KLHL1: variants seen among roughly 807,000 people sequenced by gnomAD.
KLHL1 encodes the protein kelch like family member 1.
KLHL1 carries 47 observed loss-of-function variants against 77.7 expected under a neutral mutation model. The ratio of observed to expected loss-of-function variants is 0.60; its 90% CI spans 0.48 to 0.77. KLHL1 has a LOEUF of 0.77. Ranked by LOEUF, KLHL1 falls within the 30% of genes least tolerant of loss-of-function variation. The pLI is 0.00. For missense variants in KLHL1, 925 were observed against 910.8 expected (o/e 1.02, Z -0.20); for synonymous variants, 360 against 325.2 (o/e 1.11, Z -1.15).
intron 4 of KLHL1, among the ~76,000 whole-genome samples, chr13:69,919,194 TTTCTC>T (rs1286927481): frequency 2.6e-5 from 4 of 152,170 alleles, no homozygotes; most frequent in African/African-American, 7.2e-5. Context: ...GAAACGGTAT[TTTCTC>T]TTCTATACTG....
intron 5 of KLHL1, among the ~76,000 whole-genome samples, chr13:69,864,599 A>C (rs61965685): frequency 0.13 from 19,716 of 152,072 alleles, 1,423 homozygotes; most frequent in East Asian, 0.25. Context: ...AAATATAGTT[A>C]CTGGTTCAAA....
intron 6 of KLHL1, among the ~76,000 whole-genome samples, chr13:69,837,641 T>C (rs1879064721): frequency 7.4e-6 from 1 of 135,506 alleles, no homozygotes; most frequent in African/African-American, 3.1e-5. Flanking sequence ...TATATATATA[T>C]ATGTGTATAT....
intron 1 of KLHL1, among the ~76,000 whole-genome samples, chr13:69,987,349 C>T (rs1884900643): frequency 6.6e-6 from 1 of 151,922 alleles, no homozygotes; most frequent in South Asian, 2.1e-4. Flanking sequence ...TTTCTTGCAG[C>T]AATTACTTTG....
At chr13:70,102,151 T>C (rs2059738400) in intron 1 of KLHL1, among the ~76,000 whole-genome samples, 1 of 152,126 alleles carries the variant, frequency 6.6e-6, no homozygotes, top group African/African-American at 2.4e-5. Context: ...GAGATGATTA[T>C]TGTTTTAAAC....
chr13:69,741,670 C>T (rs990874017), intron 7 of KLHL1, among the ~76,000 whole-genome samples: 1 of 152,068 alleles, frequency 6.6e-6, no homozygotes, highest in Non-Finnish European at 1.5e-5. Flanking sequence ...TGTCTAGAGC[C>T]CTGACTTCAT....
intron 2 of KLHL1, among the ~76,000 whole-genome samples, chr13:69,964,757 T>G (rs976007076): frequency 6.6e-6 from 1 of 152,156 alleles, no homozygotes; most frequent in South Asian, 2.1e-4. Flanking sequence ...CCTGATTGCT[T>G]TATTCATTGT....
intron 2 of KLHL1, among the ~76,000 whole-genome samples, chr13:69,970,514 C>T (rs191080206): frequency 6.6e-6 from 1 of 152,206 alleles, no homozygotes; most frequent in African/African-American, 2.4e-5. Context: ...GTACCTAAAG[C>T]ACCCAGATGC....
At chr13:69,858,067 A>G (rs559010638) in intron 5 of KLHL1, among the ~76,000 whole-genome samples, 3 of 152,232 alleles carry the variant, frequency 2.0e-5, no homozygotes, top group Non-Finnish European at 4.4e-5. Context: ...AAATAAGGGC[A>G]GAGGCCACGC....
rs936654139 is a variant in KLHL1, at chr13:69,974,149, T to G, written c.680+1471A>C. Among the ~76,000 whole-genome samples, 4 of 152,054 alleles carry G rather than the reference T, an allele frequency of 2.6e-5. No individual in the cohort carries two copies. In the South Asian group the frequency reaches 8.3e-4, roughly 31 times the overall value. On this transcript the variant is annotated intron_variant, in intron 2 of 10. Transcript: ENST00000377844. ...ATCACTTAACAGTGTAAAGAAAATA[T>G]AAAATTTTATTTGAATTGAGTTAGC... is the stretch of plus-strand genomic sequence containing the variant.
intron 5 of KLHL1, among the ~76,000 whole-genome samples, chr13:69,871,228 C>T (rs1880571832): frequency 6.6e-6 from 1 of 152,146 alleles, no homozygotes; most frequent in Admixed American, 6.5e-5. Context: ...CTTTAAACCA[C>T]AGCTGGAGCA....
At chr13:69,995,833 G>A (rs966027012) in intron 1 of KLHL1, among the ~76,000 whole-genome samples, 7 of 152,090 alleles carry the variant, frequency 4.6e-5, no homozygotes, top group Non-Finnish European at 2.9e-5. Context: ...AGAATACATA[G>A]TTGGAAAAGA....
intron 1 of KLHL1, among the ~76,000 whole-genome samples, chr13:70,080,447 G>C (rs1048206118): frequency 6.6e-6 from 1 of 151,986 alleles, no homozygotes; most frequent in Admixed American, 6.5e-5. Context: ...TAAACCTAGA[G>C]GCTCTATTTC....
chr13:70,063,121 A>C (rs912835531), intron 1 of KLHL1, among the ~76,000 whole-genome samples: 4 of 152,112 alleles, frequency 2.6e-5, no homozygotes, highest in African/African-American at 9.6e-5. Context: ...CTTTAATTCC[A>C]CAGTGGTTCC....
chr13:69,913,182 A>C, intron 4 of KLHL1, among the ~76,000 whole-genome samples: 1 of 151,184 alleles, frequency 6.6e-6, no homozygotes, highest in African/African-American at 2.4e-5. Flanking sequence ...TCGTCAACTC[A>C]CTCCCCCTAT....
intron 7 of KLHL1, among the ~76,000 whole-genome samples, chr13:69,778,792 C>CTTTTTT (rs1172258314): frequency 6.8e-4 from 67 of 99,156 alleles, no homozygotes; most frequent in South Asian, 9.8e-4. Context: ...TATTCCCTCT[C>CTTTTTT]TTTTTTTTTT....
chr13:69,961,555 T>C, intron 2 of KLHL1, 111 bp from the exon 3 acceptor site: 5 of 1,155,670 alleles, frequency 4.3e-6, no homozygotes. Context: ...AATCAATTAA[T>C]GCATTTTATT....
intron 1 of KLHL1, among the ~76,000 whole-genome samples, chr13:70,050,473 C>G (rs1263067172): frequency 2.0e-5 from 3 of 151,632 alleles, no homozygotes; most frequent in East Asian, 3.9e-4. Context: ...ATACTCATTT[C>G]TTCATAAAGA....
chr13:70,084,303 G>T (rs1291965948), intron 1 of KLHL1, among the ~76,000 whole-genome samples: 2 of 152,164 alleles, frequency 1.3e-5, no homozygotes, highest in East Asian at 3.9e-4. Context: ...CAGCATAGGG[G>T]ATGTACATGA....
Position 70,104,435 on chromosome 13 carries a change from G to C in KLHL1, c.497+2768C>G, listed in dbSNP as rs556706820. ...TTGACCTTTCCAGAATTCTGAGATT[G>C]TGAGCAACTTTCCCCAAATGTCCTC... On this transcript the variant is annotated intron_variant, in intron 1 of 10. Coordinates refer to ENST00000377844, the MANE Select transcript of KLHL1 (RefSeq NM_020866.3). Among the ~76,000 whole-genome samples, 4 of 152,226 alleles carry C rather than the reference G, an allele frequency of 2.6e-5. No homozygotes were observed. The East Asian group carries it at 5.8e-4, about 22-fold the overall frequency.
Sources: gnomAD v4.1 joint callset for allele counts (sites outside exome capture counted in the v4.1 genomes callset) on GRCh38, gnomAD v4.1.1 for gene constraint, MANE v1.5 for transcripts, NCBI Gene and HGNC (gene_info 2026-07-23, HGNC 2026-07-21) for gene names.